The following TRPM3 variants were observed in gnomAD, a reference collection of about 807,000 sequenced individuals.
TRPM3 encodes the protein transient receptor potential cation channel subfamily M member 3.
A neutral mutation model predicts 181.2 loss-of-function variants in TRPM3; 77 were observed. That is an observed-to-expected ratio of 0.42 (90% CI 0.35 to 0.51). The LOEUF (loss-of-function observed/expected upper bound fraction) is 0.51. Ranked by LOEUF, TRPM3 falls within the 20% of genes least tolerant of loss-of-function variation. The pLI is 0.01. For synonymous variants in TRPM3, 745 were observed against 796.4 expected (o/e 0.94, Z 1.09); for missense variants, 1,759 against 2,196.7 (o/e 0.80, Z 3.98).
intron 1 of TRPM3, among the ~76,000 whole-genome samples, chr9:71,330,007 A>G (rs1283160815): frequency 6.8e-6 from 1 of 147,882 alleles, no homozygotes; most frequent in Non-Finnish European, 1.5e-5. Context: ...TGAGAAAAAA[A>G]GAACCCAAAT....
chr9:71,301,192 T>C (rs2086738080), intron 1 of TRPM3, among the ~76,000 whole-genome samples: 1 of 152,180 alleles, frequency 6.6e-6, no homozygotes, highest in Admixed American at 6.5e-5. Flanking sequence ...GGGCAAGAGA[T>C]CTCACCTCAT....
chr9:70,661,571 A>G (rs10118796), intron 9 of TRPM3, among the ~76,000 whole-genome samples: 58,340 of 151,888 alleles, frequency 0.38, 11,676 homozygotes, highest in African/African-American at 0.49. Context: ...TCCTAGATCC[A>G]ATAAACAAAT....
chr9:71,276,244 G>A (rs184592448), intron 1 of TRPM3, among the ~76,000 whole-genome samples: 23 of 152,288 alleles, frequency 1.5e-4, no homozygotes, highest in African/African-American at 5.3e-4. Flanking sequence ...CTTGATGAAT[G>A]AAGCACACAT....
chr9:70,992,183 G>A lies in TRPM3; in HGVS notation c.178-127672C>T, dbSNP rs557357622. On this transcript the variant is annotated intron_variant, in intron 1 of 25. Coordinates refer to ENST00000677713, the MANE Select transcript of TRPM3 (RefSeq NM_001366145.2). ...GTGCTACAATGATGCCCAGCACATT[G>A]TGGTCCTTTTGTGCATATGGGCTTG... 4.9e-4 allele frequency among the ~76,000 whole-genome samples: 75 copies of A among 152,304 alleles called. 1 individual carries two copies. Among genetic ancestry groups the A allele is most frequent in the African/African-American group, 1.4e-3 (58 of 41,554 alleles).
At chr9:71,018,399 G>T (rs1188866372) in intron 1 of TRPM3, among the ~76,000 whole-genome samples, 3 of 151,640 alleles carry the variant, frequency 2.0e-5, no homozygotes, top group Non-Finnish European at 4.4e-5. Flanking sequence ...TTTTAGAAAA[G>T]ACAAATGAAA....
In TRPM3 at chr9:71,181,841, C is replaced by A. The variant is rs73467764; in HGVS notation, c.183+264812G>T. Among the ~76,000 whole-genome samples the A allele has an allele frequency of 2.4e-3, 371 of 152,182 alleles. 3 individuals are homozygous for A. Among genetic ancestry groups the A allele is most frequent in the African/African-American group, 8.1e-3 (336 of 41,542 alleles). On this transcript the variant is annotated intron_variant, in intron 1 of 24. Coordinates refer to the TRPM3 transcript ENST00000357533. The stretch of plus-strand genomic sequence containing the variant: ...AAATGTGTGACCCAAAGTAATACCA[C>A]ATGAAGTTATCCTCTCAGTGTTTCC...
Position 70,535,428 on chromosome 9 carries a change from C to T in TRPM3, c.*525G>A, listed in dbSNP as rs2041499057. The T allele has an allele frequency of 1.3e-6, 2 of 1,550,516 alleles. No homozygotes were observed. The highest frequency in any genetic ancestry group is 1.7e-6 in the Non-Finnish European group (2 of 1,146,980). On this transcript the variant is annotated 3_prime_UTR_variant, in exon 26 of 26. Transcript: ENST00000677713. ...GTTAGGTAGAACTGCTTGCTGCCGG[C>T]TTATACTGAATAAAGAGGATGCTCT...
chr9:70,905,702 T>C (rs927624873), intron 1 of TRPM3, among the ~76,000 whole-genome samples: 4 of 152,088 alleles, frequency 2.6e-5, no homozygotes, highest in Non-Finnish European at 4.4e-5. Context: ...CAGACATTAT[T>C]ATCCTCTGTC....
At chr9:70,801,126 G>C (rs973951937) in intron 6 of TRPM3, among the ~76,000 whole-genome samples, 3 of 152,106 alleles carry the variant, frequency 2.0e-5, no homozygotes, top group African/African-American at 7.2e-5. Context: ...TGGGATGAAA[G>C]GTATAAACTA....
chr9:70,998,265 AT>A (rs5898174), intron 1 of TRPM3, among the ~76,000 whole-genome samples: 10 of 145,872 alleles, frequency 6.9e-5, no homozygotes, highest in African/African-American at 2.5e-4. Context: ...ATATATATAT[AT>A]TTTTTTTAGT....
At chr9:70,830,631 T>G (rs1482932379) in intron 5 of TRPM3, among the ~76,000 whole-genome samples, 3 of 152,240 alleles carry the variant, frequency 2.0e-5, no homozygotes, top group African/African-American at 7.2e-5. Context: ...TAATTTAGTT[T>G]TCAGTCATCA....
chr9:70,694,473 G>A (rs894494839), intron 8 of TRPM3, among the ~76,000 whole-genome samples: 1 of 152,038 alleles, frequency 6.6e-6, no homozygotes, highest in Non-Finnish European at 1.5e-5. Context: ...TTTCATGGAT[G>A]GTACCATATG....
chr9:70,909,265 T>G (rs2133121157), intron 1 of TRPM3, among the ~76,000 whole-genome samples: 1 of 152,318 alleles, frequency 6.6e-6, no homozygotes, highest in African/African-American at 2.4e-5. Flanking sequence ...TGTAAGCTGG[T>G]TCTATCTAGC....
chr9:71,197,381 T>C (rs931063792), intron 1 of TRPM3, among the ~76,000 whole-genome samples: 6 of 152,190 alleles, frequency 3.9e-5, no homozygotes, highest in Non-Finnish European at 7.3e-5. Context: ...TTTGGGTATA[T>C]ACCCAATAAT....
At chr9:71,114,436 G>A (rs967103748) in intron 1 of TRPM3, among the ~76,000 whole-genome samples, 46 of 152,116 alleles carry the variant, frequency 3.0e-4, no homozygotes, top group African/African-American at 1.1e-3. Context: ...CAGGAAAATT[G>A]TGTTCATTCT....
rs2093790075 is a variant in TRPM3 at position 71,422,285 on chromosome 9, A to C, written c.183+24368T>G. ...ACTGAAAGAAGAATATGAAAAAGAAAATAGTGTCTTAGACACTGAAGGAAA... is the reference window on the plus strand; with the variant it reads ...ACTGAAAGAAGAATATGAAAAAGAACATAGTGTCTTAGACACTGAAGGAAA... On this transcript the variant is annotated intron_variant, in intron 1 of 24. Coordinates refer to the TRPM3 transcript ENST00000357533. 2.0e-5 allele frequency among the ~76,000 whole-genome samples: 3 copies of C among 152,210 alleles called. No individual in the cohort carries two copies. In the South Asian group the frequency reaches 6.2e-4, roughly 32 times the overall value.
intron 1 of TRPM3, among the ~76,000 whole-genome samples, chr9:71,202,400 GCTGT>G (rs2078862739): frequency 6.6e-6 from 1 of 152,100 alleles, no homozygotes; most frequent in South Asian, 2.1e-4. Context: ...GAGGTTTACT[GCTGT>G]CTTTTTGTTT....
At chr9:70,588,348 G>A (rs749060010) in intron 22 of TRPM3, among the ~76,000 whole-genome samples, 1 of 152,032 alleles carries the variant, frequency 6.6e-6, no homozygotes, top group African/African-American at 2.4e-5. Context: ...CTCTTCTGAG[G>A]TGTATGATTG....
At chr9:71,099,751 A>T (rs898448623) in intron 1 of TRPM3, among the ~76,000 whole-genome samples, 3 of 152,192 alleles carry the variant, frequency 2.0e-5, no homozygotes, top group African/African-American at 7.2e-5. Flanking sequence ...TTATTCATTC[A>T]AAGTTAAGCT....
Sources: gnomAD v4.1 joint callset for allele counts (sites outside exome capture counted in the v4.1 genomes callset) on GRCh38, gnomAD v4.1.1 for gene constraint, MANE v1.5 for transcripts, NCBI Gene and HGNC (gene_info 2026-07-23, HGNC 2026-07-21) for gene names.